Variants in FAXC observed in about 807,000 individuals in gnomAD.
FAXC encodes the protein failed axon connections homolog.
Under a neutral mutation model 41.9 loss-of-function variants are expected in FAXC, and 10 were observed. The observed-to-expected ratio is 0.24, with a 90% CI of 0.15 to 0.41. The LOEUF (loss-of-function observed/expected upper bound fraction) is 0.41, where lower values mean the gene tolerates loss of function less well. FAXC is among the 10% of genes least tolerant of loss of function. FAXC has a pLI of 1.00. For missense variants in FAXC, 399 were observed against 510.9 expected (o/e 0.78, Z 2.11); for synonymous variants, 183 against 183.8 (o/e 1.00, Z 0.03).
intron 5 of FAXC, among the ~76,000 whole-genome samples, chr6:99,283,261 T>G (rs991481426): frequency 6.6e-6 from 1 of 152,250 alleles, no homozygotes; most frequent in Admixed American, 6.5e-5. Flanking sequence ...CATGATTTCA[T>G]CGATCCAAGA....
At chr6:99,336,756 A>T (rs1304924162) in intron 2 of FAXC, among the ~76,000 whole-genome samples, 1 of 152,142 alleles carries the variant, frequency 6.6e-6, no homozygotes, top group Non-Finnish European at 1.5e-5. Flanking sequence ...GAGTGGGGAT[A>T]ATAACAGTTG....
At position 99,304,733 on chromosome 6, in the gene FAXC, A is replaced by T. The variant is rs141103191; in HGVS notation, c.824-12913T>A. ...GCCTTCTGTTAGAGACCAGGATTAGAGGGAAGCCAGTCAATTCCTTCAGGA... is the reference window on the plus strand; with the variant it reads ...GCCTTCTGTTAGAGACCAGGATTAGTGGGAAGCCAGTCAATTCCTTCAGGA... On this transcript the variant is annotated intron_variant, in intron 4 of 5. Coordinates refer to ENST00000389677, the MANE Select transcript of FAXC (RefSeq NM_032511.4). Among the ~76,000 whole-genome samples, 1,342 of 152,314 alleles carry T rather than the reference A, an allele frequency of 8.8e-3. 14 individuals are homozygous for T. Among genetic ancestry groups the T allele is most frequent in the Non-Finnish European group, 0.014 (958 of 68,032 alleles).
chr6:99,331,223 C>T lies in FAXC; in HGVS notation c.599+2128G>A, dbSNP rs550361831. 1.6e-3 allele frequency among the ~76,000 whole-genome samples: 246 copies of T among 152,220 alleles called. 1 individual carries two copies. Among genetic ancestry groups the T allele is most frequent in the African/African-American group, 5.7e-3 (238 of 41,512 alleles). ...AGCAAGAAATAATAGCTAACCCCTC[C>T]AACATTTTTCAAATTAAAAAGTGAA... On this transcript the variant is annotated intron_variant, in intron 3 of 5. Coordinates refer to ENST00000389677, the MANE Select transcript of FAXC (RefSeq NM_032511.4).
Position 99,291,721 on chromosome 6 carries a change from G to T in FAXC, c.923C>A (p.Pro308His), listed in dbSNP as rs780125904. Residue 308 changes from proline to histidine, a missense_variant, in exon 5 of 6, where the codon CCC (proline) becomes CAC (histidine). Pro to His is a moderately conservative substitution (Grantham distance 77). Coordinates refer to ENST00000389677, the MANE Select transcript of FAXC (RefSeq NM_032511.4). ...QAMWTLPGTR[P>H]ERLIKGELIN... ...GGGCTTGCCTTTGATCAGCCGTTCG[G>T]GTCTTGTCCCTGGTAAGGTCCACAT... The T allele has an allele frequency of 6.2e-7, 1 of 1,613,908 alleles. No individual in the cohort carries two copies. The highest frequency in any genetic ancestry group is 8.5e-7 in the Non-Finnish European group (1 of 1,179,904).
intron 4 of FAXC, among the ~76,000 whole-genome samples, chr6:99,295,224 C>T (rs1375962184): frequency 6.6e-6 from 1 of 152,212 alleles, no homozygotes; most frequent in East Asian, 1.9e-4. Context: ...TATATGTGTA[C>T]ACACATACAG....
Position 99,343,002 on chromosome 6 carries a change from T to C in FAXC, c.298A>G (p.Ile100Val), listed in dbSNP as rs780145015. 1 of 1,611,054 alleles carries C rather than the reference T, an allele frequency of 6.2e-7. No individual in the cohort carries two copies. Among genetic ancestry groups the C allele is most frequent in the Non-Finnish European group, 8.5e-7 (1 of 1,179,302 alleles). The change falls in exon 2 of 6, where the codon ATT becomes GTT. Residue 100 changes from isoleucine to valine, a missense_variant. By Grantham distance (29) the Ile-to-Val change is conservative. This residue lies in a region of FAXC where 239 missense variants were observed against 352.7 expected (regional missense o/e 0.68). Coordinates refer to ENST00000389677, the MANE Select transcript of FAXC (RefSeq NM_032511.4). ...KQQEIDSKDA[I>V]ILHQFARPNN... is the part of the protein sequence containing the mutation. ...GGTCTTGCAAACTGATGCAAAATAA[T>C]AGCATCTTTAGAGTCAATCTCTTGC... is the stretch of plus-strand genomic sequence containing the variant.
At chr6:99,331,950 C>T (rs568649619) in intron 3 of FAXC, among the ~76,000 whole-genome samples, 1 of 152,238 alleles carries the variant, frequency 6.6e-6, no homozygotes, top group African/African-American at 2.4e-5. Context: ...GAGGGGAGCC[C>T]CAACAGTTCC....
At chr6:99,336,425 C>A (rs1313731860) in intron 2 of FAXC, among the ~76,000 whole-genome samples, 1 of 152,150 alleles carries the variant, frequency 6.6e-6, no homozygotes, top group Non-Finnish European at 1.5e-5. Context: ...TTCTTAACTT[C>A]TTTAAATCTA....
At chr6:99,308,179 C>T (rs972642265) in intron 4 of FAXC, among the ~76,000 whole-genome samples, 3 of 152,180 alleles carry the variant, frequency 2.0e-5, no homozygotes, top group South Asian at 2.1e-4. Context: ...TGCCTGTAAT[C>T]CCATCTACTT....
intron 4 of FAXC, among the ~76,000 whole-genome samples, chr6:99,308,133 C>G (rs953562951): frequency 1.3e-5 from 2 of 152,214 alleles, no homozygotes; most frequent in African/African-American, 4.8e-5. Context: ...CTCGTCTCTA[C>G]TAAAAATACA....
chr6:99,347,124 A>T (rs1236570638), intron 1 of FAXC, among the ~76,000 whole-genome samples: 1 of 152,052 alleles, frequency 6.6e-6, no homozygotes, highest in African/African-American at 2.4e-5. Flanking sequence ...AAAATTAGCC[A>T]AGTGCAATGG....
At chr6:99,288,387 A>G (rs770662480) in intron 5 of FAXC, among the ~76,000 whole-genome samples, 1 of 152,124 alleles carries the variant, frequency 6.6e-6, no homozygotes, top group Non-Finnish European at 1.5e-5. Flanking sequence ...GTGAGTGTGT[A>G]TATACATGTG....
intron 1 of FAXC, among the ~76,000 whole-genome samples, chr6:99,344,079 C>T (rs778281571): frequency 6.6e-6 from 1 of 152,154 alleles, no homozygotes; most frequent in Non-Finnish European, 1.5e-5. Context: ...CTACTGGCCA[C>T]GTTAGCCTAG....
intron 4 of FAXC, among the ~76,000 whole-genome samples, chr6:99,311,024 A>G (rs1387003442): frequency 6.6e-6 from 1 of 152,234 alleles, no homozygotes; most frequent in Admixed American, 6.5e-5. Flanking sequence ...GCTACTGTCC[A>G]AGTAAAAAGA....
upstream of FAXC, chr6:99,349,752 G>C (rs953460927): frequency 6.6e-6 from 1 of 152,056 alleles, no homozygotes; most frequent in Non-Finnish European, 1.5e-5. Flanking sequence ...CCCCCTCCCC[G>C]CATCTCCGCG....
At position 99,333,404 on chromosome 6, in the gene FAXC, A is replaced by C. The variant is rs1448291718; in HGVS notation, c.546T>G (p.His182Gln). 6.2e-7 allele frequency: 1 copy of C among 1,613,976 alleles called. No individual in the cohort carries two copies. The highest frequency in any genetic ancestry group is 8.5e-7 in the Non-Finnish European group (1 of 1,179,994). ...TCACCGCTCTGGAGATGGCTCTTTC[A>C]TGAGGGCCAAGGTTTTTGTTTAAAT... is the stretch of plus-strand genomic sequence containing the variant. ...GVNLNKNLGP[H>Q]ERAISRAVTK... Residue 182 changes from histidine to glutamine, a missense_variant, in exon 3 of 6, where the codon CAT (histidine) becomes CAG (glutamine). This residue lies in a region of FAXC where 239 missense variants were observed against 352.7 expected (regional missense o/e 0.68). Coordinates refer to ENST00000389677, the MANE Select transcript of FAXC (RefSeq NM_032511.4).
At chr6:99,293,254 C>A (rs1217501917) in intron 4 of FAXC, among the ~76,000 whole-genome samples, 2 of 152,192 alleles carry the variant, frequency 1.3e-5, no homozygotes, top group Non-Finnish European at 2.9e-5. Context: ...ATCCTTCATT[C>A]CTCCCTTATC....
At chr6:99,300,231 C>T (rs1045541538) in intron 4 of FAXC, among the ~76,000 whole-genome samples, 1 of 152,088 alleles carries the variant, frequency 6.6e-6, no homozygotes, top group African/African-American at 2.4e-5. Context: ...GTACTTTGGT[C>T]CTCTATTAAT....
intron 4 of FAXC, among the ~76,000 whole-genome samples, chr6:99,309,079 G>T (rs1055089979): frequency 1.7e-4 from 26 of 152,124 alleles, no homozygotes; most frequent in Non-Finnish European, 3.4e-4. Flanking sequence ...GGCAACTTAC[G>T]GGTGGGGATG....
Sources: gnomAD v4.1 joint callset for allele counts (sites outside exome capture counted in the v4.1 genomes callset) on GRCh38, gnomAD v4.1.1 for gene constraint, gnomAD v4.1.1 regional missense constraint, MANE v1.5 for transcripts, NCBI Gene and HGNC (gene_info 2026-07-23, HGNC 2026-07-21) for gene names.